Variants in CBLB observed in about 807,000 individuals in gnomAD.
The protein encoded by CBLB is Cbl proto-oncogene B, also known as E3 ubiquitin-protein ligase CBL-B.
Under a neutral mutation model 104.9 loss-of-function variants are expected in CBLB, and 31 were observed. The ratio of observed to expected loss-of-function variants is 0.30; its 90% CI spans 0.22 to 0.40. The LOEUF (loss-of-function observed/expected upper bound fraction) is 0.40. Ranked by LOEUF, CBLB falls within the 10% of genes least tolerant of loss-of-function variation. The probability of loss-of-function intolerance (pLI) is 1.00; values close to 1 mark genes in which losing one functional copy is unlikely to be tolerated. For missense variants in CBLB, 1,062 were observed against 1,214.6 expected (o/e 0.87, Z 1.87); for synonymous variants, 440 against 422.6 (o/e 1.04, Z -0.51).
At chr3:105,692,180 T>G (rs1296198747) in intron 13 of CBLB, among the ~76,000 whole-genome samples, 7 of 152,180 alleles carry the variant, frequency 4.6e-5, no homozygotes, top group Non-Finnish European at 1.0e-4. Flanking sequence ...CCTCAGCAGA[T>G]AAAATTTAAA....
At chr3:105,745,211 C>T (rs2075989627) in intron 6 of CBLB, among the ~76,000 whole-genome samples, 1 of 152,132 alleles carries the variant, frequency 6.6e-6, no homozygotes, top group South Asian at 2.1e-4. Context: ...GGGCCTAATG[C>T]ATTTTTAGAT....
chr3:105,677,768 C>T (rs1489363789), intron 17 of CBLB, among the ~76,000 whole-genome samples: 2 of 148,910 alleles, frequency 1.3e-5, no homozygotes, highest in Non-Finnish European at 3.0e-5. Flanking sequence ...TTAAAATATA[C>T]TAATATAAAA....
chr3:105,715,350 G>GA (rs2071702222), intron 10 of CBLB, among the ~76,000 whole-genome samples: 1 of 152,132 alleles, frequency 6.6e-6, no homozygotes, highest in Admixed American at 6.5e-5. Context: ...ATCAGAGAGG[G>GA]AATCAAAAAG....
In CBLB at chr3:105,738,155, T is replaced by C. The variant is rs957753893; in HGVS notation, c.984-897A>G. On this transcript the variant is annotated intron_variant, in intron 7 of 18. Coordinates refer to ENST00000394030, the MANE Select transcript of CBLB (RefSeq NM_170662.5). Reference sequence around the variant, plus strand: ...ATCTTTCTATACTAAATTTCTTAAATAAAACAATAAGAATATAGTACTGTA... The same window carrying C: ...ATCTTTCTATACTAAATTTCTTAAACAAAACAATAAGAATATAGTACTGTA... Among the ~76,000 whole-genome samples, 4 of 152,140 alleles carry C rather than the reference T, an allele frequency of 2.6e-5. No individual in the cohort carries two copies. The South Asian group carries it at 8.3e-4, about 32-fold the overall frequency.
chr3:105,711,552 T>C (rs937382729), intron 10 of CBLB, among the ~76,000 whole-genome samples: 2 of 143,650 alleles, frequency 1.4e-5, no homozygotes, highest in African/African-American at 5.1e-5. Context: ...AAATGACTTG[T>C]GTTATCTATT....
intron 3 of CBLB, among the ~76,000 whole-genome samples, chr3:105,778,688 A>G (rs1178752980): frequency 6.6e-6 from 1 of 152,164 alleles, no homozygotes; most frequent in Non-Finnish European, 1.5e-5. Flanking sequence ...AAAATTCATT[A>G]TAATATACAT....
chr3:105,807,781 T>C (rs2153032710), intron 3 of CBLB, among the ~76,000 whole-genome samples: 1 of 152,266 alleles, frequency 6.6e-6, no homozygotes, highest in South Asian at 2.1e-4. Flanking sequence ...TGAAGTAGAA[T>C]CGTATATATC....
At chr3:105,818,561 G>T (rs1477032909) in intron 3 of CBLB, among the ~76,000 whole-genome samples, 1 of 151,980 alleles carries the variant, frequency 6.6e-6, no homozygotes, top group African/African-American at 2.4e-5. Flanking sequence ...CTTAATTTAC[G>T]TTAAAAACTC....
chr3:105,693,535 A>G lies in CBLB; in HGVS notation c.2013T>C (p.Leu671=), dbSNP rs1342686805. 19 of 1,612,780 alleles carry G rather than the reference A, an allele frequency of 1.2e-5. No homozygotes were observed. The highest frequency in any genetic ancestry group is 1.6e-5 in the Non-Finnish European group (19 of 1,179,084). Residue 671 remains leucine (L), a synonymous_variant, in exon 13 of 19, where the codon CTT becomes CTC. Coordinates refer to ENST00000394030, the MANE Select transcript of CBLB (RefSeq NM_170662.5). ...GGGTGGTAACTGGAGGAGGAGGAGA[A>G]AGCCGGGGAGGAACATCATATTCTT... is the stretch of plus-strand genomic sequence containing the variant. ...GSEEYDVPPR[L]SPPPPVTTLL...
intron 4 of CBLB, among the ~76,000 whole-genome samples, chr3:105,768,798 G>A (rs1226684613): frequency 6.6e-6 from 1 of 152,124 alleles, no homozygotes; most frequent in African/African-American, 2.4e-5. Flanking sequence ...GGGTGTATAT[G>A]AATGAGAAAA....
chr3:105,757,457 C>T (rs375293671), intron 4 of CBLB, among the ~76,000 whole-genome samples: 1 of 152,092 alleles, frequency 6.6e-6, no homozygotes, highest in African/African-American at 2.4e-5. Context: ...CTTTCTGACG[C>T]GCTGAGAGAG....
intron 3 of CBLB, among the ~76,000 whole-genome samples, chr3:105,806,993 G>A (rs897797344): frequency 6.6e-6 from 1 of 152,120 alleles, no homozygotes; most frequent in African/African-American, 2.4e-5. Flanking sequence ...ACAGGGACAC[G>A]AACAAGCTCT....
At chr3:105,798,528 C>A (rs2082488246) in intron 3 of CBLB, among the ~76,000 whole-genome samples, 1 of 152,118 alleles carries the variant, frequency 6.6e-6, no homozygotes, top group African/African-American at 2.4e-5. Context: ...TCTTCCCTTA[C>A]AAATCATTAA....
chr3:105,782,469 T>TAA lies in CBLB; in HGVS notation c.420-5929_420-5928dup, dbSNP rs139889970. Among the ~76,000 whole-genome samples, 1,471 of 152,310 alleles carry TAA rather than the reference T, an allele frequency of 9.7e-3. 14 individuals are homozygous for TAA. The highest frequency in any genetic ancestry group is 0.017 in the Non-Finnish European group (1,147 of 68,036). On this transcript the variant is annotated intron_variant, in intron 3 of 18. Transcript: ENST00000394030. The stretch of plus-strand genomic sequence containing the variant: ...AAGGAAGATCTTACATTTCCTTTGT[T>TAA]AAACACCTCATCCACCACTAGCACA...
rs55943707 is a variant in CBLB, at chr3:105,693,882, G to C, written c.1960-294C>G. Among the ~76,000 whole-genome samples, 226 of 152,062 alleles carry C rather than the reference G, an allele frequency of 1.5e-3. No homozygotes were observed. In the Middle Eastern group the frequency reaches 0.024, roughly 16 times the overall value. ...ATATTAATGGCTAAATAGGTAGACA[G>C]TAAAATTCACCAACTATGATCAGTT... On this transcript the variant is annotated intron_variant, in intron 12 of 18. Coordinates refer to ENST00000394030, the MANE Select transcript of CBLB (RefSeq NM_170662.5).
At chr3:105,817,971 C>T (rs2085298897) in intron 3 of CBLB, among the ~76,000 whole-genome samples, 1 of 152,176 alleles carries the variant, frequency 6.6e-6, no homozygotes, top group Non-Finnish European at 1.5e-5. Flanking sequence ...ATAAAACACA[C>T]TAGTGAAAAT....
intron 3 of CBLB, among the ~76,000 whole-genome samples, chr3:105,783,494 A>G (rs1005685640): frequency 3.3e-5 from 5 of 152,076 alleles, no homozygotes; most frequent in Non-Finnish European, 5.9e-5. Context: ...CAGAAACAGC[A>G]AACAATGGGC....
chr3:105,700,822 G>T (rs1482077466), intron 12 of CBLB, among the ~76,000 whole-genome samples: 1 of 152,146 alleles, frequency 6.6e-6, no homozygotes, highest in South Asian at 2.1e-4. Flanking sequence ...GTTAAATACT[G>T]TCATACAAAG....
Position 105,702,476 on chromosome 3 carries a change from G to GAAAAAAAAAAAAAAAAAAAAAAGAAAA in CBLB, c.1594-18_1594-17insTTTTCTTTTTTTTTTTTTTTTTTTTTT. On this transcript the variant is annotated splice_polypyrimidine_tract_variant and intron_variant, in intron 11 of 18. Transcript: ENST00000394030. ...AGGAGAAGACTAAAGAAACAGAAGA[G>GAAAAAAAAAAAAAAAAAAAAAAGAAAA]AAAAAAAAAAAAAAAAAAAAAAACT... 1 of 277,062 alleles carries GAAAAAAAAAAAAAAAAAAAAAAGAAAA rather than the reference G, an allele frequency of 3.6e-6. No individual in the cohort carries two copies. The highest frequency in any genetic ancestry group is 5.2e-6 in the Non-Finnish European group (1 of 190,576). The allele number at this position is 277,062 out of a possible 1,614,324, so 17.2% of individuals were successfully genotyped here. A position where few individuals can be genotyped will look rare whatever the true frequency, so the allele number is the denominator to read the frequency against.
Sources: gnomAD v4.1 joint callset for allele counts (sites outside exome capture counted in the v4.1 genomes callset) on GRCh38, gnomAD v4.1.1 for gene constraint, MANE v1.5 for transcripts, NCBI Gene and HGNC (gene_info 2026-07-23, HGNC 2026-07-21) for gene names.